CCR3: variants seen among roughly 807,000 people sequenced by gnomAD.
CCR3 encodes C-C chemokine receptor type 3.
For missense variants in CCR3, 419 were observed against 437.5 expected, an observed-to-expected ratio of 0.96 and a Z score of 0.38; for synonymous variants, 203 against 179.2, an observed-to-expected ratio of 1.13 and a Z score of -1.06.
chr3:46,265,743 G>A lies in CCR3; in HGVS notation c.585G>A (p.Trp195Ter), dbSNP rs1169086817. The change falls in exon 2 of 2, where the codon TGG (tryptophan) becomes TGA (stop). Residue 195 changes from tryptophan to a stop codon, truncating the protein, a stop_gained. Transcript: ENST00000395940. LOFTEE classifies it low-confidence loss of function (END_TRUNC). ...ALYPEDTVYS[W>*]RHFHTLRMTI... Reference sequence around the variant, plus strand: ...ACCCAGAGGATACAGTATATAGCTGGAGGCATTTCCACACTCTGAGAATGA... The same window carrying A: ...ACCCAGAGGATACAGTATATAGCTGAAGGCATTTCCACACTCTGAGAATGA... 6.2e-7 allele frequency: 1 copy of A among 1,613,736 alleles called. No homozygotes were observed. Among genetic ancestry groups the A allele is most frequent in the Admixed American group, 1.7e-5 (1 of 60,008 alleles).
At chr3:46,218,794 A>T (rs1699803321) in intron 2 of CCR3, among the ~76,000 whole-genome samples, 1 of 152,164 alleles carries the variant, frequency 6.6e-6, no homozygotes, top group Admixed American at 6.5e-5. Flanking sequence ...TATGATTAAA[A>T]CCCTTAGCAA....
chr3:46,230,958 T>A (rs1057098010), intron 2 of CCR3, among the ~76,000 whole-genome samples: 2 of 152,220 alleles, frequency 1.3e-5, no homozygotes, highest in East Asian at 3.9e-4. Context: ...GGTGTCTCGC[T>A]CTGTCGTCCA....
intron 2 of CCR3, among the ~76,000 whole-genome samples, chr3:46,232,988 A>G (rs867859679): frequency 7.9e-5 from 12 of 152,250 alleles, no homozygotes; most frequent in Non-Finnish European, 1.3e-4. Flanking sequence ...ACACGCCACC[A>G]CGCCTGGCTA....
chr3:46,233,989 C>T (rs1699996138), intron 2 of CCR3, among the ~76,000 whole-genome samples: 2 of 152,198 alleles, frequency 1.3e-5, no homozygotes, highest in Admixed American at 1.3e-4. Flanking sequence ...AGCATCCTGC[C>T]ACCTCCTGGG....
At chr3:46,248,832 G>A (rs1700250485) in intron 1 of CCR3, among the ~76,000 whole-genome samples, 1 of 152,198 alleles carries the variant, frequency 6.6e-6, no homozygotes, top group Non-Finnish European at 1.5e-5. Context: ...GGGAGGTATT[G>A]AGGATAGGAG....
intron 2 of CCR3, among the ~76,000 whole-genome samples, chr3:46,224,673 G>A (rs1458471887): frequency 1.4e-5 from 2 of 147,118 alleles, no homozygotes; most frequent in Non-Finnish European, 3.0e-5. Context: ...GGAGACGGAG[G>A]TTGCAGTGAG....
intron 2 of CCR3, among the ~76,000 whole-genome samples, chr3:46,217,255 G>A (rs1699786325): frequency 6.6e-6 from 1 of 152,060 alleles, no homozygotes; most frequent in Admixed American, 6.6e-5. Context: ...AGTCCAACAG[G>A]AAAATATCAC....
chr3:46,217,803 A>T (rs1405441739), intron 2 of CCR3, among the ~76,000 whole-genome samples: 1 of 152,028 alleles, frequency 6.6e-6, no homozygotes, highest in Non-Finnish European at 1.5e-5. Flanking sequence ...AACCTCTGGG[A>T]TACAGCAAAA....
At chr3:46,237,300 T>C (rs1466181736) in intron 2 of CCR3, among the ~76,000 whole-genome samples, 2 of 152,226 alleles carry the variant, frequency 1.3e-5, no homozygotes, top group East Asian at 3.8e-4. Context: ...CAGTTGTTTT[T>C]GTTGAGTTGC....
intron 1 of CCR3, among the ~76,000 whole-genome samples, chr3:46,245,016 C>T (rs535713754): frequency 2.6e-5 from 4 of 152,226 alleles, no homozygotes; most frequent in Non-Finnish European, 4.4e-5. Flanking sequence ...TTCAATAATC[C>T]AAAATCATTT....
chr3:46,220,051 A>G (rs368827696), intron 2 of CCR3, among the ~76,000 whole-genome samples: 1 of 152,246 alleles, frequency 6.6e-6, no homozygotes, highest in African/African-American at 2.4e-5. Context: ...GAGTAAACAG[A>G]CAACCCACAG....
intron 1 of CCR3, among the ~76,000 whole-genome samples, chr3:46,245,436 C>T (rs1700171403): frequency 6.7e-6 from 1 of 149,162 alleles, no homozygotes; most frequent in South Asian, 2.2e-4. Context: ...TTACGTGGGC[C>T]TAAAACATTG....
At chr3:46,229,097 G>A (rs1019851658) in intron 2 of CCR3, among the ~76,000 whole-genome samples, 1 of 152,164 alleles carries the variant, frequency 6.6e-6, no homozygotes, top group Non-Finnish European at 1.5e-5. Flanking sequence ...GCATGTGCGT[G>A]TGGTCATATC....
intron 2 of CCR3, among the ~76,000 whole-genome samples, chr3:46,220,634 A>T (rs1699825885): frequency 6.6e-6 from 1 of 152,246 alleles, no homozygotes; most frequent in South Asian, 2.1e-4. Flanking sequence ...TGGATAAAGA[A>T]AATGTGATAT....
intron 2 of CCR3, among the ~76,000 whole-genome samples, chr3:46,217,583 A>C (rs1038978080): frequency 6.6e-6 from 1 of 152,178 alleles, no homozygotes; most frequent in African/African-American, 2.4e-5. Flanking sequence ...AGTTTCAATA[A>C]ATTTAAGAAA....
intron 1 of CCR3, among the ~76,000 whole-genome samples, chr3:46,251,497 G>C (rs552899750): frequency 6.6e-6 from 1 of 152,094 alleles, no homozygotes; most frequent in South Asian, 2.1e-4. Context: ...TGGGCTGGTC[G>C]GTCTGAGGAC....
intron 1 of CCR3, among the ~76,000 whole-genome samples, chr3:46,254,631 ACTCCC>A (rs56192037): frequency 0.17 from 25,758 of 151,320 alleles, 2,696 homozygotes; most frequent in East Asian, 0.26. Flanking sequence ...TTTATCCCTC[ACTCCC>A]CTCCCATCCT....
chr3:46,258,841 A>C (rs1322107699), intron 1 of CCR3, among the ~76,000 whole-genome samples: 1 of 152,186 alleles, frequency 6.6e-6, no homozygotes, highest in Non-Finnish European at 1.5e-5. Context: ...AAAATACCCC[A>C]AAACCAACCA....
upstream of CCR3, chr3:46,242,265 A>C (rs1209497835): frequency 1.3e-5 from 2 of 152,222 alleles, no homozygotes; most frequent in Non-Finnish European, 2.9e-5. Context: ...TCAATCATGA[A>C]AAAGAAGAAC....
Sources: gnomAD v4.1 joint callset for allele counts (sites outside exome capture counted in the v4.1 genomes callset) on GRCh38, gnomAD v4.1.1 for gene constraint, MANE v1.5 for transcripts, NCBI Gene and HGNC (gene_info 2026-07-23, HGNC 2026-07-21) for gene names.